Variants in GRIK4 observed in about 807,000 individuals in gnomAD.
The protein encoded by GRIK4 is glutamate receptor ionotropic, kainate 4.
GRIK4 carries 40 observed loss-of-function variants against 104.9 expected under a neutral mutation model. The ratio of observed to expected loss-of-function variants is 0.38; its 90% CI spans 0.30 to 0.50. The LOEUF is 0.50. Among genes scored for constraint, GRIK4 ranks in the 20% least tolerant of loss-of-function variants. GRIK4 has a pLI of 0.93. For synonymous variants in GRIK4, 485 were observed against 524.9 expected, an observed-to-expected ratio of 0.92 and a Z score of 1.04; for missense variants, 1,047 against 1,308.1, an observed-to-expected ratio of 0.80 and a Z score of 3.08.
At chr11:120,863,793 G>T (rs916273648) in intron 9 of GRIK4, among the ~76,000 whole-genome samples, 39 of 152,348 alleles carry the variant, frequency 2.6e-4, no homozygotes, top group African/African-American at 9.1e-4. Context: ...GGAAGCCAGG[G>T]CCTGGACTTA....
intron 3 of GRIK4, among the ~76,000 whole-genome samples, chr11:120,729,919 C>T (rs993321210): frequency 6.6e-6 from 1 of 152,098 alleles, no homozygotes; most frequent in African/African-American, 2.4e-5. Context: ...AGTCTTTAAT[C>T]CATTTTGATT....
At chr11:120,904,796 G>A (rs567201551) in intron 12 of GRIK4, among the ~76,000 whole-genome samples, 1 of 152,284 alleles carries the variant, frequency 6.6e-6, no homozygotes, top group East Asian at 1.9e-4. Flanking sequence ...AGCCCAGCTT[G>A]GATCCCACCT....
intron 14 of GRIK4, among the ~76,000 whole-genome samples, chr11:120,945,424 T>C (rs1325074212): frequency 6.6e-6 from 1 of 152,230 alleles, no homozygotes; most frequent in East Asian, 1.9e-4. Flanking sequence ...AGACCATAGA[T>C]TTTTATGATA....
intron 12 of GRIK4, among the ~76,000 whole-genome samples, chr11:120,901,199 C>T (rs1021669811): frequency 2.6e-5 from 4 of 152,144 alleles, no homozygotes; most frequent in Non-Finnish European, 4.4e-5. Context: ...CAGCCACTGC[C>T]CAGGCCCTGC....
At chr11:120,691,276 A>C (rs1359005881) in intron 3 of GRIK4, among the ~76,000 whole-genome samples, 1 of 152,204 alleles carries the variant, frequency 6.6e-6, no homozygotes, top group African/African-American at 2.4e-5. Flanking sequence ...CTTGGGAGAC[A>C]TTGAGAGCTC....
At chr11:120,637,193 G>T (rs1363962706) in intron 1 of GRIK4, among the ~76,000 whole-genome samples, 2 of 152,056 alleles carry the variant, frequency 1.3e-5, no homozygotes, top group Non-Finnish European at 2.9e-5. Flanking sequence ...CCAGGTGGGG[G>T]TGGGGAGAAA....
At chr11:120,873,151 A>G (rs1251954374) in intron 9 of GRIK4, 1 of 152,170 alleles carries the variant, frequency 6.6e-6, no homozygotes, top group Admixed American at 6.5e-5. Flanking sequence ...CAGGCCCCGC[A>G]TGGCAGGACC....
In GRIK4 at chr11:120,853,599, G is replaced by A. The variant is rs973680902; in HGVS notation, c.745-8360G>A. ...TGGACAGTGAGAGCATGGAAGGGGA[G>A]GATGCATTCTAAATTCTAGCTTGAT... On this transcript the variant is annotated intron_variant, in intron 8 of 20. Transcript: ENST00000527524. Among the ~76,000 whole-genome samples the A allele has an allele frequency of 2.6e-5, 4 of 152,204 alleles. No individual in the cohort carries two copies. In the South Asian group the frequency reaches 8.3e-4, roughly 32 times the overall value.
intron 19 of GRIK4, among the ~76,000 whole-genome samples, chr11:120,979,406 CA>C (rs1944614393): frequency 6.6e-6 from 1 of 152,064 alleles, no homozygotes; most frequent in Middle Eastern, 3.2e-3. Flanking sequence ...ATATCAGAAG[CA>C]AAAATTTTTA....
chr11:120,703,392 T>C (rs1409884689), intron 3 of GRIK4, among the ~76,000 whole-genome samples: 1 of 152,006 alleles, frequency 6.6e-6, no homozygotes, highest in African/African-American at 2.4e-5. Flanking sequence ...TGATGAGTCT[T>C]GGAGGGTGGA....
At chr11:120,948,412 C>G (rs1195032550) in intron 14 of GRIK4, among the ~76,000 whole-genome samples, 1 of 152,076 alleles carries the variant, frequency 6.6e-6, no homozygotes, top group Non-Finnish European at 1.5e-5. Context: ...AGCCCTAACA[C>G]AGATCCAAGA....
chr11:120,663,189 G>GCATTTATT (rs1189612071), intron 3 of GRIK4, among the ~76,000 whole-genome samples: 2 of 152,152 alleles, frequency 1.3e-5, no homozygotes, highest in African/African-American at 4.8e-5. Context: ...ATGCCCTGAG[G>GCATTTATT]AGACCCCACC....
intron 8 of GRIK4, chr11:120,858,564 G>A (rs772580496): frequency 3.9e-5 from 6 of 152,150 alleles, no homozygotes; most frequent in Non-Finnish European, 5.9e-5. Context: ...ACTCTTTTCA[G>A]CCTTTAATAT....
chr11:120,877,277 A>G (rs1954847332), intron 11 of GRIK4, among the ~76,000 whole-genome samples: 2 of 152,220 alleles, frequency 1.3e-5, no homozygotes, highest in Admixed American at 1.3e-4. Context: ...CAAGTCATAT[A>G]TTGAGCATGC....
intron 8 of GRIK4, among the ~76,000 whole-genome samples, chr11:120,849,229 A>C (rs1398972822): frequency 6.6e-6 from 1 of 152,152 alleles, no homozygotes; most frequent in East Asian, 1.9e-4. Context: ...CAGACTGTGC[A>C]TATAAAATAC....
chr11:120,590,245 A>T (rs1591718565), intron 1 of GRIK4, among the ~76,000 whole-genome samples: 1 of 151,454 alleles, frequency 6.6e-6, no homozygotes, highest in African/African-American at 2.4e-5. Flanking sequence ...CTTACACCTT[A>T]CCCCTGCCTC....
intron 13 of GRIK4, among the ~76,000 whole-genome samples, chr11:120,917,043 C>T (rs3018285): frequency 0.59 from 88,884 of 151,514 alleles, 27,498 homozygotes; most frequent in East Asian, 0.84. Flanking sequence ...GTCAGGAGTT[C>T]GAGACCAGAC....
chr11:120,727,195 C>T (rs193300349), intron 3 of GRIK4, among the ~76,000 whole-genome samples: 2 of 152,264 alleles, frequency 1.3e-5, no homozygotes, highest in East Asian at 1.9e-4. Context: ...AACAAAGGGG[C>T]GAGAGCAGCC....
At chr11:120,587,061 G>A (rs971146308) in intron 1 of GRIK4, among the ~76,000 whole-genome samples, 2 of 152,248 alleles carry the variant, frequency 1.3e-5, no homozygotes, top group East Asian at 1.9e-4. Flanking sequence ...CAATCGAGGC[G>A]ATTTGTCTTT....
Sources: allele counts gnomAD v4.1 joint callset (sites outside exome capture counted in the v4.1 genomes callset), GRCh38; gene constraint gnomAD v4.1.1; transcripts MANE v1.5; gene names NCBI Gene and HGNC (gene_info 2026-07-23, HGNC 2026-07-21).